NREP: variants seen among roughly 807,000 people sequenced by gnomAD.
NREP encodes the protein neuronal regeneration-related protein.
NREP carries 5 observed loss-of-function variants against 8.6 expected under a neutral mutation model. The ratio of observed to expected loss-of-function variants is 0.58; its 90% CI spans 0.30 to 1.22. NREP has a LOEUF of 1.22. Among genes scored for constraint, NREP ranks in the 50% most tolerant of loss-of-function variants. The pLI, the probability that NREP is intolerant of heterozygous loss-of-function variation, is 0.07. For synonymous variants in NREP, 27 were observed against 28.0 expected (o/e 0.96, Z 0.11); for missense variants, 86 against 82.5 (o/e 1.04, Z -0.17).
At chr5:111,762,183 A>T (rs577907488), upstream of NREP, among the ~76,000 whole-genome samples, 2 of 152,132 alleles carry the variant, frequency 1.3e-5, no homozygotes, top group African/African-American at 4.8e-5. Context: ...AGCACAGGAG[A>T]TTAGCTGGAG....
chr5:111,786,175 C>T (rs1032545635), intron 2 of NREP, among the ~76,000 whole-genome samples: 1 of 152,172 alleles, frequency 6.6e-6, no homozygotes, highest in Admixed American at 6.5e-5. Flanking sequence ...TGAGTGAGTT[C>T]TCACAAGATC....
chr5:111,785,182 C>T (rs1270285777), intron 2 of NREP, among the ~76,000 whole-genome samples: 2 of 152,178 alleles, frequency 1.3e-5, no homozygotes, highest in Non-Finnish European at 2.9e-5. Flanking sequence ...ATTCTTTGGA[C>T]CACAAAATAT....
intron 2 of NREP, among the ~76,000 whole-genome samples, chr5:111,795,006 A>T (rs1473699755): frequency 6.6e-6 from 1 of 152,006 alleles, no homozygotes; most frequent in East Asian, 1.9e-4. Flanking sequence ...AAAAAAAAAA[A>T]AAAAAGAAAA....
intron 2 of NREP, among the ~76,000 whole-genome samples, chr5:111,820,743 G>T (rs1046798383): frequency 3.3e-5 from 5 of 152,058 alleles, no homozygotes; most frequent in Non-Finnish European, 7.4e-5. Context: ...TATTTACAAA[G>T]CTTAATTTGT....
intron 2 of NREP, among the ~76,000 whole-genome samples, chr5:111,847,857 C>T (rs1034687653): frequency 6.6e-5 from 10 of 152,178 alleles, no homozygotes; most frequent in African/African-American, 2.4e-4. Context: ...GCCAAAACCA[C>T]TGGTTGTATC....
intron 2 of NREP, among the ~76,000 whole-genome samples, chr5:111,932,379 C>T (rs1755565804): frequency 6.6e-6 from 1 of 152,178 alleles, no homozygotes; most frequent in East Asian, 1.9e-4. Context: ...ACACTATACT[C>T]AAAATAACAT....
chr5:111,952,088 G>A lies in NREP; in HGVS notation c.135+23186C>T, dbSNP rs187229228. On this transcript the variant is annotated intron_variant, in intron 2 of 3. Coordinates refer to the NREP transcript ENST00000395634. ...TTCTACAGTGCTTAATTTGCTGCCT[G>A]CAATATACGGCCTTCTACTCCTTCC... Among the ~76,000 whole-genome samples the A allele has an allele frequency of 5.7e-3, 862 of 152,208 alleles. 2 individuals carry two copies. Among genetic ancestry groups the A allele is most frequent in the Non-Finnish European group, 8.0e-3 (546 of 67,980 alleles).
intron 2 of NREP, among the ~76,000 whole-genome samples, chr5:111,763,747 C>T (rs892268212): frequency 8.1e-5 from 10 of 123,650 alleles, no homozygotes; most frequent in Non-Finnish European, 1.2e-4. Flanking sequence ...AATCCCAGTA[C>T]GTCTGTATGT....
chr5:111,782,077 A>C (rs1392033991), intron 2 of NREP, among the ~76,000 whole-genome samples: 1 of 152,224 alleles, frequency 6.6e-6, no homozygotes, highest in African/African-American at 2.4e-5. Context: ...TAAACATTCT[A>C]GAAATGTCAT....
chr5:111,857,761 A>G (rs1196993984), intron 2 of NREP, among the ~76,000 whole-genome samples: 2 of 152,180 alleles, frequency 1.3e-5, no homozygotes, highest in African/African-American at 2.4e-5. Context: ...ACAACACAGT[A>G]AGAACTTAAT....
At chr5:111,782,305 C>T (rs780668691) in intron 2 of NREP, among the ~76,000 whole-genome samples, 26 of 152,148 alleles carry the variant, frequency 1.7e-4, no homozygotes, top group Non-Finnish European at 2.9e-4. Context: ...ATCAGTGTGA[C>T]TAATAAATTC....
intron 2 of NREP, among the ~76,000 whole-genome samples, chr5:111,878,826 C>T (rs144454662): frequency 6.6e-6 from 1 of 152,258 alleles, no homozygotes; most frequent in African/African-American, 2.4e-5. Context: ...TTCAGATGCT[C>T]ACAAACTTTT....
chr5:111,774,452 G>A (rs1751311239), intron 2 of NREP, among the ~76,000 whole-genome samples: 1 of 152,128 alleles, frequency 6.6e-6, no homozygotes, highest in African/African-American at 2.4e-5. Context: ...GATTATCCTG[G>A]ATTATCCAGT....
intron 2 of NREP, among the ~76,000 whole-genome samples, chr5:111,771,426 T>TACACACACAC (rs111799670): frequency 6.8e-5 from 10 of 147,304 alleles, no homozygotes; most frequent in South Asian, 2.2e-4. Flanking sequence ...CATAGTCTTT[T>TACACACACAC]ACACACACAC....
At chr5:111,764,118 C>T (rs1000450426) in intron 2 of NREP, among the ~76,000 whole-genome samples, 2 of 152,184 alleles carry the variant, frequency 1.3e-5, no homozygotes, top group Non-Finnish European at 2.9e-5. Context: ...AGGCAAAATA[C>T]TATCCTGTTC....
intron 2 of NREP, among the ~76,000 whole-genome samples, chr5:111,821,461 T>C (rs146507445): frequency 9.5e-4 from 144 of 152,254 alleles, no homozygotes; most frequent in African/African-American, 3.3e-3. Context: ...TAAATAGATA[T>C]AATGGAATCC....
At chr5:111,926,952 G>A (rs529029596) in intron 2 of NREP, among the ~76,000 whole-genome samples, 27 of 151,820 alleles carry the variant, frequency 1.8e-4, no homozygotes, top group African/African-American at 6.5e-4. Context: ...GTTCACCTGT[G>A]TGAGACCCTA....
chr5:111,956,458 A>G (rs1271335031), intron 2 of NREP, among the ~76,000 whole-genome samples: 2 of 152,164 alleles, frequency 1.3e-5, no homozygotes, highest in Non-Finnish European at 2.9e-5. Context: ...AAAAATTAGT[A>G]AATTTGAAGA....
At chr5:111,758,148 C>G (rs1750856085), upstream of NREP, 1 of 985,608 alleles carries the variant, frequency 1.0e-6, no homozygotes, top group Non-Finnish European at 1.2e-6. Context: ...GCGCCCCACT[C>G]CCTTCCGCGG....
Sources: allele counts gnomAD v4.1 joint callset (sites outside exome capture counted in the v4.1 genomes callset), GRCh38; gene constraint gnomAD v4.1.1; transcripts MANE v1.5; gene names NCBI Gene and HGNC (gene_info 2026-07-23, HGNC 2026-07-21).